PRIM2: variants seen among roughly 807,000 people sequenced by gnomAD.
PRIM2 encodes DNA primase subunit 2.
A neutral mutation model predicts 67.3 loss-of-function variants in PRIM2; 39 were observed. The observed-to-expected ratio is 0.58, with a 90% CI of 0.45 to 0.76. PRIM2 has a LOEUF of 0.76. Among genes scored for constraint, PRIM2 ranks in the 30% least tolerant of loss-of-function variants. PRIM2 has a pLI of 0.00. For synonymous variants in PRIM2, 143 were observed against 198.7 expected, an observed-to-expected ratio of 0.72 and a Z score of 2.36; for missense variants, 398 against 598.7, an observed-to-expected ratio of 0.66 and a Z score of 3.50.
At chr6:57,619,861 G>T (rs1776820594) in intron 12 of PRIM2, among the ~76,000 whole-genome samples, 2 of 152,136 alleles carry the variant, frequency 1.3e-5, no homozygotes, top group Non-Finnish European at 2.9e-5. Context: ...AATAATGGAG[G>T]AAAACTTCCC....
At chr6:57,446,990 C>G (rs1772389257) in intron 7 of PRIM2, among the ~76,000 whole-genome samples, 1 of 152,196 alleles carries the variant, frequency 6.6e-6, no homozygotes, top group Non-Finnish European at 1.5e-5. Flanking sequence ...ACTGACAACT[C>G]TTGAAGGCCC....
intron 7 of PRIM2, among the ~76,000 whole-genome samples, chr6:57,473,165 A>G (rs1773378091): frequency 6.6e-6 from 1 of 152,204 alleles, no homozygotes; most frequent in African/African-American, 2.4e-5. Flanking sequence ...AATCTCATCA[A>G]GGGTACTTCA....
intron 12 of PRIM2, among the ~76,000 whole-genome samples, chr6:57,609,068 A>G (rs1277235488): frequency 6.6e-6 from 1 of 152,230 alleles, no homozygotes; most frequent in Admixed American, 6.5e-5. Context: ...TCTGTCTCAT[A>G]GTAATCCAAT....
chr6:57,312,524 C>T (rs1407026603), upstream of PRIM2, among the ~76,000 whole-genome samples: 1 of 152,076 alleles, frequency 6.6e-6, no homozygotes, highest in African/African-American at 2.4e-5. Flanking sequence ...CAGAAACTCC[C>T]TCCCCATGCA....
At chr6:57,228,916 A>G in the PRIM2 span, among the ~76,000 whole-genome samples, 1 of 152,230 alleles carries the variant, frequency 6.6e-6, no homozygotes, top group Non-Finnish European at 1.5e-5. Context: ...TACTAGTAGT[A>G]TTTGAAAGTT....
At chr6:57,317,423 G>T (rs1360595250), upstream of PRIM2, among the ~76,000 whole-genome samples, 2 of 152,128 alleles carry the variant, frequency 1.3e-5, no homozygotes, top group Non-Finnish European at 2.9e-5. Context: ...TCCACATACA[G>T]GAAATGCATC....
chr6:57,362,793 T>C (rs1453694065), intron 5 of PRIM2, among the ~76,000 whole-genome samples: 1 of 151,964 alleles, frequency 6.6e-6, no homozygotes, highest in Non-Finnish European at 1.5e-5. Flanking sequence ...GGAGATGTCA[T>C]AAAGAAGAAA....
chr6:57,238,635 AAC>A, the PRIM2 span, among the ~76,000 whole-genome samples: 1 of 152,234 alleles, frequency 6.6e-6, no homozygotes, highest in African/African-American at 2.4e-5. Context: ...TGGACAACCT[AAC>A]ATCACAGTTA....
At chr6:57,304,112 A>G in the PRIM2 span, among the ~76,000 whole-genome samples, 2 of 152,334 alleles carry the variant, frequency 1.3e-5, no homozygotes, top group Admixed American at 6.5e-5. Flanking sequence ...TGTGTCACCA[A>G]TCCCATTGGG....
At chr6:57,408,201 T>C (rs1770964534) in intron 7 of PRIM2, among the ~76,000 whole-genome samples, 1 of 152,102 alleles carries the variant, frequency 6.6e-6, no homozygotes, top group South Asian at 2.1e-4. Context: ...TAAGATGACA[T>C]GGGTGCATGT....
At chr6:57,442,723 AGTTAT>A (rs1006747170) in intron 7 of PRIM2, among the ~76,000 whole-genome samples, 6 of 152,168 alleles carry the variant, frequency 3.9e-5, no homozygotes, top group Admixed American at 2.0e-4. Flanking sequence ...TGGGTCACAA[AGTTAT>A]GTTATAATTT....
intron 10 of PRIM2, among the ~76,000 whole-genome samples, chr6:57,583,921 A>G (rs1196727115): frequency 6.6e-6 from 1 of 152,296 alleles, no homozygotes; most frequent in Non-Finnish European, 1.5e-5. Context: ...TATAAAATAC[A>G]AATATCTAAT....
At chr6:57,280,336 A>G in the PRIM2 span, among the ~76,000 whole-genome samples, 2 of 150,186 alleles carry the variant, frequency 1.3e-5, no homozygotes, top group Non-Finnish European at 3.0e-5. Flanking sequence ...ACAACTTTAC[A>G]TTTGCTTTTT....
intron 9 of PRIM2, among the ~76,000 whole-genome samples, chr6:57,536,343 G>A (rs1446355818): frequency 6.6e-6 from 1 of 152,196 alleles, no homozygotes; most frequent in African/African-American, 2.4e-5. Flanking sequence ...TTCATTTTTG[G>A]CACTAAGGCA....
intron 8 of PRIM2, among the ~76,000 whole-genome samples, chr6:57,527,704 C>G (rs2127466569): frequency 6.6e-6 from 1 of 152,310 alleles, no homozygotes; most frequent in African/African-American, 2.4e-5. Context: ...TGTGTTGTAT[C>G]TAACAATCCC....
intron 4 of PRIM2, among the ~76,000 whole-genome samples, chr6:57,325,394 G>T (rs376389914): frequency 8.0e-5 from 12 of 149,776 alleles, no homozygotes; most frequent in East Asian, 3.9e-4. Context: ...CAACATCCGT[G>T]GGCTCAGGTG....
At chr6:57,528,384 T>C (rs1238792511) in intron 8 of PRIM2, among the ~76,000 whole-genome samples, 39 of 151,790 alleles carry the variant, frequency 2.6e-4, no homozygotes, top group African/African-American at 8.9e-4. Context: ...CTCTTGCTTT[T>C]TTTCTTTTTT....
At chr6:57,254,181 C>A in the PRIM2 span, among the ~76,000 whole-genome samples, 1 of 152,314 alleles carries the variant, frequency 6.6e-6, no homozygotes, top group African/African-American at 2.4e-5. Flanking sequence ...GCTGGCCTGG[C>A]AACTACACTT....
intron 5 of PRIM2, among the ~76,000 whole-genome samples, chr6:57,358,762 A>G (rs1425747558): frequency 2.0e-5 from 3 of 152,184 alleles, no homozygotes; most frequent in African/African-American, 7.2e-5. Flanking sequence ...TTATATAAAT[A>G]ATAAAGATAT....
Sources: allele counts gnomAD v4.1 joint callset (sites outside exome capture counted in the v4.1 genomes callset), GRCh38; gene constraint gnomAD v4.1.1; transcripts MANE v1.5; gene names NCBI Gene and HGNC (gene_info 2026-07-23, HGNC 2026-07-21).